Variants in DDB1 observed in about 807,000 individuals in gnomAD.
DDB1 encodes DNA damage-binding protein 1.
In DDB1, 18 loss-of-function variants were observed where a neutral mutation model predicts 133.1. The observed-to-expected ratio is 0.14, with a 90% CI of 0.09 to 0.20. The LOEUF (loss-of-function observed/expected upper bound fraction) is 0.20. DDB1 is among the 10% of genes least tolerant of loss of function. The pLI is 1.00. For missense variants in DDB1, 828 were observed against 1,459.2 expected (o/e 0.57, Z 7.05); for synonymous variants, 580 against 550.5 (o/e 1.05, Z -0.75).
intron 2 of DDB1, among the ~76,000 whole-genome samples, chr11:61,330,733 G>A (rs775273439): frequency 6.6e-6 from 1 of 151,796 alleles, no homozygotes; most frequent in Non-Finnish European, 1.5e-5. Context: ...TCCACTCACT[G>A]CAACCTCCGC....
intron 13 of DDB1, 30 bp from the exon 14 acceptor site, chr11:61,314,240 G>A (rs774092034): frequency 6.3e-7 from 1 of 1,591,174 alleles, no homozygotes; most frequent in Non-Finnish European, 8.6e-7. Flanking sequence ...GCAGAGGAAG[G>A]AATCCAAGGC....
chr11:61,316,505 C>T lies in DDB1; in HGVS notation c.1288G>A (p.Val430Met). Residue 430 changes from valine to methionine, a missense_variant, in exon 11 of 27, where the codon GTG (valine) becomes ATG (methionine). Physicochemically the swap from Val to Met is conservative, Grantham distance 21. Around this residue, in one of 7 missense-constraint regions of DDB1, gnomAD observed 396 missense variants for 554.1 expected, o/e 0.71. Coordinates refer to ENST00000301764, the MANE Select transcript of DDB1 (RefSeq NM_001923.5). ...ACCCATCCTTACCTTGTCTGGCCCACAAAAGAGAGCACCAAAGTGTCATCA... is the reference window on the plus strand; with the variant it reads ...ACCCATCCTTACCTTGTCTGGCCCATAAAAGAGAGCACCAAAGTGTCATCA... ...ETDDTLVLSF[V>M]GQTRVLMLNG... 1 of 1,614,168 alleles carries T rather than the reference C, an allele frequency of 6.2e-7. No individual in the cohort carries two copies. The highest frequency in any genetic ancestry group is 8.5e-7 in the Non-Finnish European group (1 of 1,180,036).
At chr11:61,303,700 C>CA (rs59840297) in intron 22 of DDB1, among the ~76,000 whole-genome samples, 165 bp downstream of exon 22, 1,685 of 41,434 alleles carry the variant, frequency 0.041, 82 homozygotes, top group African/African-American at 0.059. Context: ...GACTGCGTCT[C>CA]AAAAAAAAAA....
At chr11:61,320,984 A>C (rs1856168787) in intron 10 of DDB1, among the ~76,000 whole-genome samples, 1 of 152,016 alleles carries the variant, frequency 6.6e-6, no homozygotes, top group Non-Finnish European at 1.5e-5. Flanking sequence ...CCTGGGCTCA[A>C]GTGATCTTCC....
Position 61,319,439 on chromosome 11 carries a change from C to CT in DDB1, c.1225+2155dup, listed in dbSNP as rs367586506. Reference sequence around the variant, plus strand: ...ATGTCTCACTGCTTTCTTTTTTTTTCTTTTTTTTTTTGAGATGGAGTCTTG... The same window carrying CT: ...ATGTCTCACTGCTTTCTTTTTTTTTCTTTTTTTTTTTTGAGATGGAGTCTTG... On this transcript the variant is annotated intron_variant, in intron 10 of 26. Coordinates refer to ENST00000301764, the MANE Select transcript of DDB1 (RefSeq NM_001923.5). 2.1e-3 allele frequency among the ~76,000 whole-genome samples: 312 copies of CT among 145,494 alleles called. 1 individual carries two copies. The highest frequency in any genetic ancestry group is 6.0e-3 in the African/African-American group (238 of 39,900).
At chr11:61,302,154 G>A in intron 25 of DDB1, 103 bp downstream of exon 25, 3 of 1,019,366 alleles carry the variant, frequency 2.9e-6, no homozygotes, top group East Asian at 4.8e-5. Flanking sequence ...GTTCTGTACA[G>A]GAACCTAATC....
chr11:61,310,329 G>A lies in DDB1; in HGVS notation c.2367C>T (p.His789=), dbSNP rs1053908. 7 of 1,612,172 alleles carry A rather than the reference G, an allele frequency of 4.3e-6. No individual in the cohort carries two copies. The highest frequency in any genetic ancestry group is 5.1e-6 in the Non-Finnish European group (6 of 1,179,734). ...TGTGTTGGTCAATGATAAGTAGGTT[G>A]TGCACCTCCACCTCTTCTCCAAAGG... is the stretch of plus-strand genomic sequence containing the variant. ...ETSFGEEVEV[H]NLLIIDQHTF... is the part of the protein sequence containing the mutation. The change falls in exon 19 of 27, where the codon CAC becomes CAT. Residue 789 remains histidine, a synonymous_variant. Coordinates refer to ENST00000301764, the MANE Select transcript of DDB1 (RefSeq NM_001923.5).
intron 10 of DDB1, among the ~76,000 whole-genome samples, chr11:61,316,995 A>ATATATATATG (rs1856095673): frequency 1.1e-5 from 1 of 94,106 alleles, no homozygotes; most frequent in Non-Finnish European, 2.4e-5. Flanking sequence ...ATATATATAT[A>ATATATATATG]TATAGACATG....
At chr11:61,302,065 G>A (rs1855805006) in intron 25 of DDB1, 192 bp downstream of exon 25, 1 of 513,590 alleles carries the variant, frequency 1.9e-6, no homozygotes, top group African/African-American at 1.9e-5. Context: ...AGTACTTTGG[G>A]AGTCAATATA....
intron 9 of DDB1, 110 bp downstream of exon 9, chr11:61,322,186 G>A: frequency 2.4e-6 from 2 of 841,466 alleles, no homozygotes. Context: ...TTCATGAGGG[G>A]GCTCTTAAAA....
At chr11:61,311,648 A>T in intron 18 of DDB1, 136 bp downstream of exon 18, 1 of 703,084 alleles carries the variant, frequency 1.4e-6, no homozygotes, top group Non-Finnish European at 2.3e-6. Context: ...CTTTCAGGCT[A>T]CGATGGCAAA....
Position 61,310,296 on chromosome 11 carries a change from T to G in DDB1, c.2400A>C (p.Glu800Asp). ...ATTATCGAAAGAGCTCATGTGCACC[T>G]TCAAAGGTGTGTTGGTCAATGATAA... The part of the protein sequence containing the change: ...NLLIIDQHTF[E>D]VLHAHQFLQN... The change falls in exon 19 of 27, where the codon GAA (glutamate) becomes GAC (aspartate). Residue 800 changes from glutamate to aspartate, a missense_variant and splice_region_variant. Coordinates refer to ENST00000301764, the MANE Select transcript of DDB1 (RefSeq NM_001923.5). The G allele has an allele frequency of 6.2e-7, 1 of 1,609,156 alleles. No homozygotes were observed.
chr11:61,322,954 T>C (rs779431065), intron 8 of DDB1, 57 bp downstream of exon 8: 80 of 1,417,680 alleles, frequency 5.6e-5, no homozygotes, highest in Admixed American at 1.6e-4. Context: ...TAGGAGAAAT[T>C]TGATGAAGAA....
intron 26 of DDB1, 143 bp from the exon 27 acceptor site, chr11:61,300,362 C>CAGGGGGAGG: frequency 1.0e-5 from 8 of 800,048 alleles, no homozygotes; most frequent in Non-Finnish European, 1.7e-5. Context: ...CCACGCCTCC[C>CAGGGGGAGG]CCTGGGTGGC....
At chr11:61,329,144 C>A (rs1192937694) in intron 4 of DDB1, among the ~76,000 whole-genome samples, 1 of 152,204 alleles carries the variant, frequency 6.6e-6, no homozygotes, top group Non-Finnish European at 1.5e-5. Context: ...TTAAAACCTG[C>A]TACAAGCCCC....
chr11:61,325,581 G>GA, intron 6 of DDB1, 30 bp downstream of exon 6: 1 of 1,583,708 alleles, frequency 6.3e-7, no homozygotes. Flanking sequence ...AAGAAAAGAT[G>GA]AAAGGAAAAA....
chr11:61,322,700 G>A, intron 8 of DDB1: 1 of 538,034 alleles, frequency 1.9e-6, no homozygotes. Flanking sequence ...TTTTTCTGCA[G>A]AGAAGGTCCG....
chr11:61,327,908 A>G (rs1856294675), intron 4 of DDB1, among the ~76,000 whole-genome samples: 1 of 152,234 alleles, frequency 6.6e-6, no homozygotes, highest in Non-Finnish European at 1.5e-5. Flanking sequence ...AAGTACCTAA[A>G]TATTTGTCAA....
rs1232469010 is a variant in DDB1, at chr11:61,331,675, G to C, written c.78C>G (p.Ala26=). The C allele has an allele frequency of 3.1e-6, 5 of 1,613,942 alleles. No homozygotes were observed. The East Asian group carries it at 1.1e-4, about 36-fold the overall frequency. Reference sequence around the variant, plus strand: ...TGGCAATCAACAGGTTTAAGTCTTCGGCCGAAGTAAAGTGTCCTGAAAGAA... The same window carrying C: ...TGGCAATCAACAGGTTTAAGTCTTCCGCCGAAGTAAAGTGTCCTGAAAGAA... ...NGCVTGHFTS[A]EDLNLLIAKN... Residue 26 remains alanine (A), a synonymous_variant, in exon 2 of 27, where the codon GCC becomes GCG. Transcript: ENST00000301764.
Sources: gnomAD v4.1 joint callset for allele counts (sites outside exome capture counted in the v4.1 genomes callset) on GRCh38, gnomAD v4.1.1 for gene constraint, gnomAD v4.1.1 regional missense constraint, MANE v1.5 for transcripts, NCBI Gene and HGNC (gene_info 2026-07-23, HGNC 2026-07-21) for gene names.